MAPKBP1: variants seen among roughly 807,000 people sequenced by gnomAD.
MAPKBP1 encodes the protein mitogen-activated protein kinase binding protein 1, also known as mitogen-activated protein kinase-binding protein 1.
MAPKBP1 carries 71 observed loss-of-function variants against 170.5 expected under a neutral mutation model. That is an observed-to-expected ratio of 0.42 (90% CI 0.34 to 0.51). MAPKBP1 has a LOEUF of 0.51. MAPKBP1 is among the 20% of genes least tolerant of loss of function. MAPKBP1 has a pLI of 0.06. For missense variants in MAPKBP1, 1,598 were observed against 1,933.0 expected, an observed-to-expected ratio of 0.83 and a Z score of 3.25; for synonymous variants, 719 against 757.9, an observed-to-expected ratio of 0.95 and a Z score of 0.84.
At chr15:41,807,415 T>C (rs1321906987) in intron 3 of MAPKBP1, among the ~76,000 whole-genome samples, 1 of 152,244 alleles carries the variant, frequency 6.6e-6, no homozygotes, top group Non-Finnish European at 1.5e-5. Flanking sequence ...GGAAAACTCA[T>C]AAACTTGCAA....
Position 41,818,689 on chromosome 15 carries a change from G to A in MAPKBP1, c.2156+107G>A, listed in dbSNP as rs2064933872. 1 of 1,506,798 alleles carries A rather than the reference G, an allele frequency of 6.6e-7. No individual in the cohort carries two copies. The highest frequency in any genetic ancestry group is 1.9e-5 in the Admixed American group (1 of 53,956). 93.3% of individuals were successfully genotyped at this position (1,506,798 alleles called of 1,614,324 possible). On this transcript the variant is annotated intron_variant, in intron 19 of 30. Coordinates refer to ENST00000457542, the MANE Select transcript of MAPKBP1 (RefSeq NM_014994.3). The surrounding 1 kb of genome is among the most constrained non-coding windows in gnomAD (Gnocchi z 5.2). ...TGTCTCTGGGAAGTGGGGTTAACAG[G>A]GATAGCTTTTGGCTGTGCTTGACCT... is the stretch of plus-strand genomic sequence containing the variant.
At chr15:41,796,165 G>A (rs1401961228) in intron 2 of MAPKBP1, among the ~76,000 whole-genome samples, 6 of 152,266 alleles carry the variant, frequency 3.9e-5, no homozygotes, top group African/African-American at 7.2e-5. Context: ...AGGGCCACTC[G>A]TTTGCTAGCA....
chr15:41,801,313 C>A lies in MAPKBP1; in HGVS notation c.206+1399C>A, dbSNP rs1291992181. Among the ~76,000 whole-genome samples the A allele has an allele frequency of 2.0e-5, 3 of 152,172 alleles. No individual in the cohort carries two copies. The East Asian group carries it at 5.8e-4, about 29-fold the overall frequency. On this transcript the variant is annotated intron_variant, in intron 3 of 30. Coordinates refer to ENST00000457542, the MANE Select transcript of MAPKBP1 (RefSeq NM_014994.3). The stretch of plus-strand genomic sequence containing the variant: ...CTCTGCTCCTACAAGTGGGAAACCT[C>A]CAACCATAGTTTCTTCAGGCTTCTG...
rs2065006208 is a variant in MAPKBP1 at position 41,822,002 on chromosome 15, G to C, written c.2923G>C (p.Gly975Arg). The change falls in exon 25 of 31, where the codon GGA becomes CGA. Residue 975 changes from glycine to arginine, a missense_variant. Physicochemically the swap from Gly to Arg is moderately radical, Grantham distance 125. Transcript: ENST00000457542. ...QVQAPARGTL[G>R]RVYPGSRSSE... is the part of the protein sequence containing the mutation. ...GCAGGCTCCAGCCCGGGGAACTCTGGGAAGAGTGTACCCAGGCAGCAGGAG... is the reference window on the plus strand; with the variant it reads ...GCAGGCTCCAGCCCGGGGAACTCTGCGAAGAGTGTACCCAGGCAGCAGGAG... The C allele has an allele frequency of 6.2e-7, 1 of 1,610,616 alleles. No individual in the cohort carries two copies. Among genetic ancestry groups the C allele is most frequent in the African/African-American group, 1.3e-5 (1 of 74,968 alleles).
intron 27 of MAPKBP1, 128 bp from the exon 28 acceptor site, chr15:41,822,810 CT>C: frequency 6.8e-7 from 1 of 1,464,816 alleles, no homozygotes. Context: ...GCTAACTGGC[CT>C]TTCCCCAGCC....
intron 10 of MAPKBP1, 89 bp from the exon 11 acceptor site, chr15:41,815,170 C>A (rs1014722723): frequency 7.2e-6 from 11 of 1,523,072 alleles, no homozygotes; most frequent in Non-Finnish European, 9.9e-6. Flanking sequence ...CCACCATTCC[C>A]TTTTTCGTCC....
intron 20 of MAPKBP1, 132 bp downstream of exon 20, chr15:41,819,089 A>C: frequency 6.8e-7 from 1 of 1,471,754 alleles, no homozygotes; most frequent in Non-Finnish European, 9.3e-7. Flanking sequence ...TCACACAAGG[A>C]TCCATGATGT....
chr15:41,810,906 C>T lies in MAPKBP1; in HGVS notation c.230C>T (p.Pro77Leu). 2 of 1,614,068 alleles carry T rather than the reference C, an allele frequency of 1.2e-6. No homozygotes were observed. The highest frequency in any genetic ancestry group is 1.7e-6 in the Non-Finnish European group (2 of 1,180,020). ...PAGCVVVLFN[P>L]RKHKQHHILN... ...AGGTGTGTGGTTGTGTTGTTCAATC[C>T]CCGGAAACACAAACAGCACCACATC... is the stretch of plus-strand genomic sequence containing the variant. The change falls in exon 4 of 31, where the codon CCC (proline) becomes CTC (leucine). Residue 77 changes from proline to leucine, a missense_variant. Pro to Leu is a moderately conservative substitution (Grantham distance 98). Transcript: ENST00000457542.
chr15:41,792,698 T>A (rs1464452773), intron 2 of MAPKBP1, among the ~76,000 whole-genome samples: 1 of 152,218 alleles, frequency 6.6e-6, no homozygotes, highest in Non-Finnish European at 1.5e-5. Context: ...CTGGTGTGTC[T>A]CCTGGGCTGT....
In MAPKBP1 at chr15:41,817,052, T is replaced by G. The variant is rs779029152; in HGVS notation, c.1711+17T>G. 3.2e-6 allele frequency: 5 copies of G among 1,567,350 alleles called. No individual in the cohort carries two copies. Among genetic ancestry groups the G allele is most frequent in the Non-Finnish European group, 4.3e-6 (5 of 1,152,498 alleles). On this transcript the variant is annotated intron_variant, in intron 14 of 30. Coordinates refer to ENST00000457542, the MANE Select transcript of MAPKBP1 (RefSeq NM_014994.3). This position sits in a 1 kb window ranked among gnomAD's most constrained non-coding sequence, Gnocchi z 4.2. ...AGTTTGCAGGTGCGGGCAGGGTGAA[T>G]GAGACACATCCTGCCACTCTCACCC...
In MAPKBP1 at chr15:41,812,609, C is replaced by T. The variant is rs1057519303; in HGVS notation, c.592C>T (p.Arg198Ter). The change falls in exon 7 of 31, where the codon CGA becomes TGA. Residue 198 changes from arginine (R) to a stop codon, truncating the protein, a stop_gained. Transcript: ENST00000457542. LOFTEE classifies it high-confidence loss of function. Reference protein sequence around the residue: ...DCSYFVTAGNRHIKFWYLDDS... With the variant: ...DCSYFVTAGN The stretch of plus-strand genomic sequence containing the variant: ...CAGCTACTTTGTCACTGCAGGCAAC[C>T]GACACATCAAATTCTGGTATCTCGA... 6.2e-7 allele frequency: 1 copy of T among 1,613,552 alleles called. No homozygotes were observed. The highest frequency in any genetic ancestry group is 2.2e-5 in the East Asian group (1 of 44,874).
At chr15:41,779,799 C>A (rs1220152179) in intron 2 of MAPKBP1, among the ~76,000 whole-genome samples, 2 of 152,234 alleles carry the variant, frequency 1.3e-5, no homozygotes, top group African/African-American at 4.8e-5. Context: ...CCCTCACCAG[C>A]CTTTGTGAAT....
chr15:41,812,825 G>A, intron 7 of MAPKBP1, 94 bp from the exon 8 acceptor site: 3 of 1,473,182 alleles, frequency 2.0e-6, no homozygotes, highest in Non-Finnish European at 2.7e-6. Flanking sequence ...AGAGCAAGGA[G>A]GTGCTGGAGG....
chr15:41,800,238 A>T (rs536590279), intron 3 of MAPKBP1, among the ~76,000 whole-genome samples: 1 of 152,222 alleles, frequency 6.6e-6, no homozygotes, highest in Non-Finnish European at 1.5e-5. Context: ...TGTAATTCAC[A>T]TACCATATAA....
At chr15:41,783,411 G>C (rs1379729223) in intron 2 of MAPKBP1, among the ~76,000 whole-genome samples, 1 of 152,194 alleles carries the variant, frequency 6.6e-6, no homozygotes, top group Non-Finnish European at 1.5e-5. Context: ...GTTGGTTGAT[G>C]AGTTAATTTG....
chr15:41,785,088 C>T (rs1282503787), intron 2 of MAPKBP1, among the ~76,000 whole-genome samples: 2 of 152,066 alleles, frequency 1.3e-5, no homozygotes, highest in African/African-American at 4.8e-5. Flanking sequence ...TAAATAACTT[C>T]ACAGCTATAA....
Position 41,775,270 on chromosome 15 carries a change from G to A in MAPKBP1, c.-6G>A. Reference sequence around the variant, plus strand: ...CGGGGACTGTCCCAAAGGGTTTCTCGTCATAATGGCTGTGGAAGGGTCAAC... The same window carrying A: ...CGGGGACTGTCCCAAAGGGTTTCTCATCATAATGGCTGTGGAAGGGTCAAC... On this transcript the variant is annotated 5_prime_UTR_variant, in exon 2 of 31. Transcript: ENST00000457542. The A allele has an allele frequency of 6.2e-7, 1 of 1,612,416 alleles. No homozygotes were observed.
In MAPKBP1 at chr15:41,795,969, G is replaced by T. The variant is rs543195975; in HGVS notation, c.115-3854G>T. On this transcript the variant is annotated intron_variant, in intron 2 of 30. Transcript: ENST00000457542. The stretch of plus-strand genomic sequence containing the variant: ...CCATGTGGAGAAAAGACTATAGGGG[G>T]TAAGGCCTGAAGCAGGGAGAGCATG... Among the ~76,000 whole-genome samples, 9 of 152,296 alleles carry T rather than the reference G, an allele frequency of 5.9e-5. No individual in the cohort carries two copies. In the South Asian group the frequency reaches 1.9e-3, roughly 32 times the overall value.
Position 41,825,874 on chromosome 15 carries a change from G to A in MAPKBP1, c.*438G>A, listed in dbSNP as rs1331061070. The A allele has an allele frequency of 6.5e-6, 1 of 154,860 alleles. No individual in the cohort carries two copies. Among genetic ancestry groups the A allele is most frequent in the African/African-American group, 2.4e-5 (1 of 41,550 alleles). The allele number at this position is 154,860 out of a possible 1,614,324, so 9.6% of individuals were successfully genotyped here. A position where few individuals can be genotyped will look rare whatever the true frequency, so the allele number is the denominator to read the frequency against. ...GGTATTCAGTGCCCGTCAGCCAACT[G>A]TGGGCCTTCACCTCTACCTGCACTT... On this transcript the variant is annotated 3_prime_UTR_variant, in exon 31 of 31. Transcript: ENST00000457542.
Sources: gnomAD v4.1 joint callset for allele counts (sites outside exome capture counted in the v4.1 genomes callset) on GRCh38, gnomAD v4.1.1 for gene constraint, Gnocchi (gnomAD v3.1) non-coding constraint, MANE v1.5 for transcripts, NCBI Gene and HGNC (gene_info 2026-07-23, HGNC 2026-07-21) for gene names.